The following GFOD2 variants were observed in gnomAD, a reference collection of about 807,000 sequenced individuals.
GFOD2 encodes Gfo/Idh/MocA-like oxidoreductase domain containing 2.
A neutral mutation model predicts 24.6 loss-of-function variants in GFOD2; 9 were observed. The observed-to-expected ratio is 0.37, with a 90% CI of 0.22 to 0.64. The LOEUF (loss-of-function observed/expected upper bound fraction) is 0.64, where lower values mean the gene tolerates loss of function less well. GFOD2 is among the 30% of genes least tolerant of loss of function. The probability of loss-of-function intolerance (pLI) is 0.65; values close to 1 mark genes in which losing one functional copy is unlikely to be tolerated. For missense variants in GFOD2, 476 were observed against 532.5 expected, an observed-to-expected ratio of 0.89 and a Z score of 1.04; for synonymous variants, 211 against 224.8, an observed-to-expected ratio of 0.94 and a Z score of 0.55.
chr16:67,704,860 G>C (rs2053428708), intron 1 of GFOD2, among the ~76,000 whole-genome samples: 1 of 152,212 alleles, frequency 6.6e-6, no homozygotes, highest in African/African-American at 2.4e-5. Flanking sequence ...ATAGTTCTGA[G>C]GAATCACCAG....
At position 67,696,009 on chromosome 16, in the gene GFOD2, G is replaced by A. The variant is rs1242599497; in HGVS notation, c.-87-10207C>T. ...GGAATGTATGTATCCACTACATAGG[G>A]AACCCTTTTTTTTTTTTTGAGATCG... On this transcript the variant is annotated intron_variant, in intron 1 of 2. Transcript: ENST00000268797. 5.3e-5 allele frequency among the ~76,000 whole-genome samples: 8 copies of A among 151,434 alleles called. No homozygotes were observed. In the South Asian group the frequency reaches 1.5e-3, roughly 28 times the overall value.
rs372954475 is a variant in GFOD2 at position 67,717,125 on chromosome 16, A to T, written c.-88+2038T>A. On this transcript the variant is annotated intron_variant, in intron 1 of 2. Coordinates refer to ENST00000268797, the MANE Select transcript of GFOD2 (RefSeq NM_030819.4). ...TGGTGAGGCTGGTCTCAAACTCCTG[A>T]CCTCAGGTGATCCACCCACCTTGGT... Among the ~76,000 whole-genome samples, 59 of 152,202 alleles carry T rather than the reference A, an allele frequency of 3.9e-4. No individual in the cohort carries two copies. The South Asian group carries it at 0.012, about 31-fold the overall frequency.
intron 2 of GFOD2, among the ~76,000 whole-genome samples, chr16:67,678,531 G>A (rs769649719): frequency 1.3e-5 from 2 of 151,912 alleles, no homozygotes; most frequent in Non-Finnish European, 2.9e-5. Flanking sequence ...CCCACATGAT[G>A]GATGGGCCCC....
intron 1 of GFOD2, among the ~76,000 whole-genome samples, chr16:67,693,053 G>T (rs899171361): frequency 6.6e-6 from 1 of 151,678 alleles, no homozygotes; most frequent in Non-Finnish European, 1.5e-5. Context: ...AAAAAAAAAG[G>T]AAAATGTGGT....
intron 1 of GFOD2, among the ~76,000 whole-genome samples, chr16:67,710,076 C>A (rs902373404): frequency 6.7e-6 from 1 of 149,622 alleles, no homozygotes; most frequent in African/African-American, 2.5e-5. Flanking sequence ...CTCCCGAGTA[C>A]CTGGGATACA....
intron 1 of GFOD2, among the ~76,000 whole-genome samples, chr16:67,696,706 C>T (rs2053362239): frequency 6.6e-6 from 1 of 152,096 alleles, no homozygotes; most frequent in South Asian, 2.1e-4. Context: ...ATCTCCTGAC[C>T]TCGTGATCCG....
chr16:67,696,076 C>T (rs1279188694), intron 1 of GFOD2, among the ~76,000 whole-genome samples: 2 of 150,934 alleles, frequency 1.3e-5, no homozygotes, highest in East Asian at 2.0e-4. Flanking sequence ...TGCAATGGCA[C>T]GATCTCGGCT....
At chr16:67,691,055 G>A (rs1182724716) in intron 1 of GFOD2, among the ~76,000 whole-genome samples, 1 of 152,062 alleles carries the variant, frequency 6.6e-6, no homozygotes, top group Non-Finnish European at 1.5e-5. Context: ...GTAGAGATGG[G>A]GTTTCACCAT....
chr16:67,678,662 C>A (rs1424538381), intron 2 of GFOD2, among the ~76,000 whole-genome samples: 1 of 152,012 alleles, frequency 6.6e-6, no homozygotes. Flanking sequence ...TGGGAAGTTT[C>A]TAAACTTCCC....
intron 1 of GFOD2, among the ~76,000 whole-genome samples, chr16:67,704,728 G>A (rs981441389): frequency 1.2e-4 from 19 of 152,200 alleles, no homozygotes; most frequent in Non-Finnish European, 1.9e-4. Flanking sequence ...GGCACCTGAC[G>A]CAGAGTTAGG....
chr16:67,704,704 A>G (rs1297342761), intron 1 of GFOD2, among the ~76,000 whole-genome samples: 1 of 152,228 alleles, frequency 6.6e-6, no homozygotes, highest in African/African-American at 2.4e-5. Context: ...AAGGCCAACA[A>G]CCAGATGTGT....
At chr16:67,713,991 G>A (rs1057370269) in intron 1 of GFOD2, among the ~76,000 whole-genome samples, 6 of 151,966 alleles carry the variant, frequency 3.9e-5, no homozygotes, top group African/African-American at 1.4e-4. Flanking sequence ...TGCGGTTTTT[G>A]CCATTACTTT....
chr16:67,709,368 T>C (rs1482607763), intron 1 of GFOD2, among the ~76,000 whole-genome samples: 1 of 151,978 alleles, frequency 6.6e-6, no homozygotes, highest in African/African-American at 2.4e-5. Context: ...TGCTTGTGTA[T>C]AAAATGACAC....
intron 1 of GFOD2, among the ~76,000 whole-genome samples, chr16:67,700,478 G>A (rs535754984): frequency 2.6e-5 from 4 of 151,970 alleles, no homozygotes; most frequent in African/African-American, 7.2e-5. Flanking sequence ...AATTAAGGCC[G>A]GGCACGGTGG....
intron 1 of GFOD2, among the ~76,000 whole-genome samples, chr16:67,693,261 T>C (rs766918908): frequency 6.6e-6 from 1 of 151,146 alleles, no homozygotes; most frequent in Non-Finnish European, 1.5e-5. Flanking sequence ...TATTTCAAAT[T>C]AGCCACCACA....
At chr16:67,693,911 G>A (rs972892702) in intron 1 of GFOD2, among the ~76,000 whole-genome samples, 4 of 151,710 alleles carry the variant, frequency 2.6e-5, no homozygotes, top group African/African-American at 7.3e-5. Flanking sequence ...CAGAGCAACA[G>A]AAAGACTCTG....
In GFOD2 at chr16:67,685,710, C is replaced by T; in HGVS notation, c.6G>A (p.Lys2=). M[K]MLPGVGVFGT... ...CAAACACGCCCACTCCTGGCAGCATCTTCATCCCAGCCTCTCTCTTTACCA... is the reference window on the plus strand; with the variant it reads ...CAAACACGCCCACTCCTGGCAGCATTTTCATCCCAGCCTCTCTCTTTACCA... The change falls in exon 2 of 3, where the codon AAG becomes AAA. Residue 2 remains lysine, a synonymous_variant. Transcript: ENST00000268797. 3 of 1,610,168 alleles carry T rather than the reference C, an allele frequency of 1.9e-6. No homozygotes were observed. Among genetic ancestry groups the T allele is most frequent in the Non-Finnish European group, 2.5e-6 (3 of 1,178,698 alleles).
intron 1 of GFOD2, among the ~76,000 whole-genome samples, chr16:67,702,768 T>C (rs2053412268): frequency 6.6e-6 from 1 of 151,910 alleles, no homozygotes; most frequent in African/African-American, 2.4e-5. Context: ...GGCTAATTTT[T>C]GTATTTTTTA....
rs577600000 is a variant in GFOD2, at chr16:67,681,913, C to T, written c.259+3544G>A. The T allele has an allele frequency of 6.2e-4, 611 of 985,194 alleles. No individual in the cohort carries two copies. In the African/African-American group the frequency reaches 8.7e-3, roughly 14 times the overall value. The allele number at this position is 985,194 out of a possible 1,614,324, so 61.0% of individuals were successfully genotyped here. A position where few individuals can be genotyped will look rare whatever the true frequency, so the allele number is the denominator to read the frequency against. Reference sequence around the variant, plus strand: ...AGCTGAAATCTGCTGGGCACAGTGGCTCCCACCTATAATTCCAGCACTTTG... The same window carrying T: ...AGCTGAAATCTGCTGGGCACAGTGGTTCCCACCTATAATTCCAGCACTTTG... On this transcript the variant is annotated intron_variant, in intron 2 of 2. Coordinates refer to ENST00000268797, the MANE Select transcript of GFOD2 (RefSeq NM_030819.4).
Sources: gnomAD v4.1 joint callset for allele counts (sites outside exome capture counted in the v4.1 genomes callset) on GRCh38, gnomAD v4.1.1 for gene constraint, MANE v1.5 for transcripts, NCBI Gene and HGNC (gene_info 2026-07-23, HGNC 2026-07-21) for gene names.